Variants in SCUBE1 observed in about 807,000 individuals in gnomAD.
SCUBE1 encodes signal peptide, CUB domain and EGF like domain containing 1.
SCUBE1 carries 59 observed loss-of-function variants against 124.4 expected under a neutral mutation model. The ratio of observed to expected loss-of-function variants is 0.47; its 90% CI spans 0.38 to 0.59. The LOEUF is 0.59. SCUBE1 is among the 20% of genes least tolerant of loss of function. The probability of loss-of-function intolerance (pLI) is 0.00; values close to 1 mark genes in which losing one functional copy is unlikely to be tolerated. For synonymous variants in SCUBE1, 545 were observed against 550.9 expected, an observed-to-expected ratio of 0.99 and a Z score of 0.15; for missense variants, 1,150 against 1,371.2, an observed-to-expected ratio of 0.84 and a Z score of 2.55.
At chr22:43,256,431 G>C (rs993835384) in intron 6 of SCUBE1, among the ~76,000 whole-genome samples, 1 of 152,168 alleles carries the variant, frequency 6.6e-6, no homozygotes, top group African/African-American at 2.4e-5. Flanking sequence ...GTTCCCAAGG[G>C]GGACACAGAT....
At chr22:43,237,582 C>A (rs748344084) in intron 7 of SCUBE1, 1 of 152,188 alleles carries the variant, frequency 6.6e-6, no homozygotes, top group Non-Finnish European at 1.5e-5. Flanking sequence ...GAGCGGTGGC[C>A]ACAGAAGGGC....
At chr22:43,254,016 C>T (rs1306104869) in intron 6 of SCUBE1, among the ~76,000 whole-genome samples, 3 of 152,248 alleles carry the variant, frequency 2.0e-5, no homozygotes, top group Non-Finnish European at 4.4e-5. Flanking sequence ...GCCTGGAGGG[C>T]AGTGGTCATA....
At chr22:43,311,306 C>A (rs534910463) in intron 3 of SCUBE1, among the ~76,000 whole-genome samples, 1 of 152,246 alleles carries the variant, frequency 6.6e-6, no homozygotes, top group African/African-American at 2.4e-5. Flanking sequence ...TGTTCACCAC[C>A]ATAGTAAGCA....
At chr22:43,241,389 GATCCGGTACGGAGC>G in intron 6 of SCUBE1, among the ~76,000 whole-genome samples, 1 of 152,200 alleles carries the variant, frequency 6.6e-6, no homozygotes, top group Admixed American at 6.5e-5. Context: ...CCCTGAAGAG[GATCCGGTACGGAGC>G]ATCAGAAACT....
At chr22:43,302,066 C>T (rs1242711224) in intron 3 of SCUBE1, among the ~76,000 whole-genome samples, 2 of 152,206 alleles carry the variant, frequency 1.3e-5, no homozygotes. Context: ...GTGGGTGGGT[C>T]AGGGGCTGAC....
At chr22:43,216,345 C>T (rs73420031) in intron 15 of SCUBE1, among the ~76,000 whole-genome samples, 27,463 of 150,320 alleles carry the variant, frequency 0.18, 3,931 homozygotes, top group African/African-American at 0.4. Context: ...CCATGCCCGG[C>T]CCAAAATAAG....
Position 43,246,648 on chromosome 22 carries a change from G to A in SCUBE1, c.728-7694C>T, listed in dbSNP as rs544752280. Among the ~76,000 whole-genome samples, 7 of 152,354 alleles carry A rather than the reference G, an allele frequency of 4.6e-5. No homozygotes were observed. The South Asian group carries it at 1.0e-3, about 23-fold the overall frequency. The stretch of plus-strand genomic sequence containing the variant: ...GTAACACTAAACCTTGCAGGTTGCC[G>A]GGAACATTGAACATGTCTGGTTATA... On this transcript the variant is annotated intron_variant, in intron 6 of 21. Coordinates refer to ENST00000360835, the MANE Select transcript of SCUBE1 (RefSeq NM_173050.5).
chr22:43,231,869 T>C lies in SCUBE1; in HGVS notation c.851A>G (p.Asn284Ser), dbSNP rs747481943. The change falls in exon 8 of 22, where the codon AAC becomes AGC. Residue 284 changes from asparagine (N) to serine (S), a missense_variant. Around this residue, in one of 3 missense-constraint regions of SCUBE1, gnomAD observed 337 missense variants for 482.1 expected, o/e 0.70. Coordinates refer to ENST00000360835, the MANE Select transcript of SCUBE1 (RefSeq NM_173050.5). ...GCCTCCGTTGTTGACCAGGCACTCG[T>C]TGATGTCTGTGGGAGCCAAGGGGGA... ...QPDGKTCKDI[N>S]ECLVNNGGCD... 4 of 1,613,224 alleles carry C rather than the reference T, an allele frequency of 2.5e-6. No individual in the cohort carries two copies. The African/African-American group carries it at 5.3e-5, about 22-fold the overall frequency.
At chr22:43,341,379 C>A (rs1927312016) in intron 1 of SCUBE1, among the ~76,000 whole-genome samples, 1 of 152,206 alleles carries the variant, frequency 6.6e-6, no homozygotes, top group Non-Finnish European at 1.5e-5. Context: ...GGGCCCATCT[C>A]CAGGCTTCTG....
chr22:43,223,212 T>A lies in SCUBE1; in HGVS notation c.1212A>T (p.Thr404=). ...TCTTGGCGCGAGAAAGACACTTGCCTGTCTCTATGAAGGGAGATACGAGAG... is the reference window on the plus strand; with the variant it reads ...TCTTGGCGCGAGAAAGACACTTGCCAGTCTCTATGAAGGGAGATACGAGAG... The part of the protein sequence containing the change: ...LHWNGKDCVE[T]GKCLSRAKTS... The change falls in exon 11 of 22, where the codon ACA becomes ACT. Residue 404 remains threonine (T), a synonymous_variant. Transcript: ENST00000360835. The A allele has an allele frequency of 7.0e-6, 11 of 1,570,496 alleles. No individual in the cohort carries two copies. The highest frequency in any genetic ancestry group is 9.4e-6 in the Non-Finnish European group (11 of 1,167,238).
At chr22:43,343,105 C>T (rs1927384713) in intron 1 of SCUBE1, 69 bp downstream of exon 1, 3 of 794,006 alleles carry the variant, frequency 3.8e-6, no homozygotes, top group African/African-American at 1.8e-5. Context: ...GGAAGAAGCC[C>T]TCCGGGACCG....
chr22:43,296,124 G>C (rs1925549224), intron 3 of SCUBE1, among the ~76,000 whole-genome samples: 1 of 152,224 alleles, frequency 6.6e-6, no homozygotes, highest in African/African-American at 2.4e-5. Flanking sequence ...TGGGCATGTA[G>C]AGTGAGCGAG....
At chr22:43,215,778 G>A (rs1398455889) in intron 15 of SCUBE1, among the ~76,000 whole-genome samples, 1 of 152,306 alleles carries the variant, frequency 6.6e-6, no homozygotes, top group East Asian at 1.9e-4. Context: ...AGTGGAGGGT[G>A]ACATGTCTTT....
At chr22:43,289,690 T>C (rs5759260) in intron 4 of SCUBE1, among the ~76,000 whole-genome samples, 115,033 of 152,200 alleles carry the variant, frequency 0.76, 43,920 homozygotes, top group East Asian at 1. Flanking sequence ...CCTCATCCCA[T>C]GGTCCTGCTC....
chr22:43,225,224 GCAAC>G (rs1455741513), intron 10 of SCUBE1, among the ~76,000 whole-genome samples: 2 of 151,250 alleles, frequency 1.3e-5, no homozygotes, highest in Admixed American at 1.3e-4. Context: ...TCCTACACAA[GCAAC>G]TCCTCCCTTA....
In SCUBE1 at chr22:43,335,906, AATG is replaced by A. The variant is rs1457178764; in HGVS notation, c.220+3195_220+3197del. On this transcript the variant is annotated intron_variant, in intron 2 of 21. Coordinates refer to ENST00000360835, the MANE Select transcript of SCUBE1 (RefSeq NM_173050.5). ...TGATGGTGATGTTGGTGGTGATGAT[AATG>A]ATGATGGTGATGATGGTGGTGATGA... Among the ~76,000 whole-genome samples, 9 of 108,094 alleles carry A rather than the reference AATG, an allele frequency of 8.3e-5. No homozygotes were observed. In the South Asian group the frequency reaches 1.5e-3, roughly 18 times the overall value. The allele number at this position is 108,094 out of a possible 152,430, so 70.9% of individuals were successfully genotyped here. A position where few individuals can be genotyped will look rare whatever the true frequency, so the allele number is the denominator to read the frequency against.
intron 6 of SCUBE1, among the ~76,000 whole-genome samples, chr22:43,247,714 C>T (rs910717573): frequency 2.0e-5 from 3 of 152,230 alleles, no homozygotes; most frequent in African/African-American, 7.2e-5. Context: ...GCAGGAGGAG[C>T]AGGCCGTTGC....
intron 10 of SCUBE1, among the ~76,000 whole-genome samples, chr22:43,223,641 G>A (rs1406053943): frequency 1.3e-5 from 2 of 152,208 alleles, no homozygotes; most frequent in African/African-American, 4.8e-5. Context: ...CAGGTGTCTG[G>A]AGAAACAGCC....
intron 7 of SCUBE1, chr22:43,238,479 C>T (rs185699584): frequency 1.0e-4 from 57 of 572,036 alleles, no homozygotes; most frequent in African/African-American, 5.8e-4. Flanking sequence ...ACATTCTACG[C>T]GCCTTGGGAA....
Sources: gnomAD v4.1 joint callset for allele counts (sites outside exome capture counted in the v4.1 genomes callset) on GRCh38, gnomAD v4.1.1 for gene constraint, gnomAD v4.1.1 regional missense constraint, MANE v1.5 for transcripts, NCBI Gene and HGNC (gene_info 2026-07-23, HGNC 2026-07-21) for gene names.